SCAMP5: variants seen among roughly 807,000 people sequenced by gnomAD.
The protein encoded by SCAMP5 is secretory carrier-associated membrane protein 5.
In SCAMP5, 7 loss-of-function variants were observed where a neutral mutation model predicts 28.3. The ratio of observed to expected loss-of-function variants is 0.25; its 90% confidence interval spans 0.14 to 0.46. SCAMP5 has a LOEUF of 0.46. Among genes scored for constraint, SCAMP5 ranks in the 20% least tolerant of loss-of-function variants. The probability of loss-of-function intolerance (pLI) is 0.99; values close to 1 mark genes in which losing one functional copy is unlikely to be tolerated. For synonymous variants in SCAMP5, 117 were observed against 116.4 expected, an observed-to-expected ratio of 1.00 and a Z score of -0.03; for missense variants, 192 against 312.5, an observed-to-expected ratio of 0.61 and a Z score of 2.91.
intron 4 of SCAMP5, among the ~76,000 whole-genome samples, chr15:75,017,258 G>A (rs150427566): frequency 6.6e-6 from 1 of 152,282 alleles, no homozygotes; most frequent in African/African-American, 2.4e-5. Flanking sequence ...TGCTGTCTTG[G>A]TGCCAGTGGG....
At position 74,995,616 on chromosome 15, in the gene SCAMP5, G is replaced by C. The variant is rs1210536687; in HGVS notation, c.-106G>C. On this transcript the variant is annotated 5_prime_UTR_variant, in exon 1 of 7. Transcript: ENST00000425597. ...GGCCGGCTCCGCGCCGCATCGCTCG[G>C]GTGCAGCGCAGCTCAGCGCAGCGCT... 24 of 146,850 alleles carry C rather than the reference G, an allele frequency of 1.6e-4. No individual in the cohort carries two copies. The highest frequency in any genetic ancestry group is 1.3e-3 in the Admixed American group (19 of 14,824). The allele number at this position is 146,850 out of a possible 1,614,324, so 9.1% of individuals were successfully genotyped here.
intron 1 of SCAMP5, among the ~76,000 whole-genome samples, chr15:75,006,831 A>G (rs946170421): frequency 2.6e-5 from 4 of 151,386 alleles, no homozygotes; most frequent in African/African-American, 7.3e-5. Flanking sequence ...AATCCCAGCT[A>G]CTCGGGAGGC....
intron 4 of SCAMP5, chr15:75,017,568 A>G: frequency 1.8e-6 from 1 of 554,572 alleles, no homozygotes; most frequent in South Asian, 2.5e-5. Flanking sequence ...TGACAATGAG[A>G]CTATTTATTC....
At chr15:75,015,107 A>C (rs897452253) in intron 3 of SCAMP5, among the ~76,000 whole-genome samples, 11 of 152,136 alleles carry the variant, frequency 7.2e-5, no homozygotes, top group African/African-American at 2.7e-4. Flanking sequence ...AGGGCTATAA[A>C]TATCTCCTTA....
Position 75,018,875 on chromosome 15 carries a change from G to T in SCAMP5, c.600G>T (p.Val200=). 3 of 1,593,442 alleles carry T rather than the reference G, an allele frequency of 1.9e-6. No homozygotes were observed. Among genetic ancestry groups the T allele is most frequent in the Non-Finnish European group, 2.6e-6 (3 of 1,174,508 alleles). ...WTTGAWKNPH[V]QQAAQNAAMG... Reference sequence around the variant, plus strand: ...CAGGGGCCTGGAAGAATCCACATGTGCAGCAGGCAGCCCAGAACGCAGCCA... The same window carrying T: ...CAGGGGCCTGGAAGAATCCACATGTTCAGCAGGCAGCCCAGAACGCAGCCA... Residue 200 remains valine, a synonymous_variant, in exon 7 of 7, where the codon GTG becomes GTT. Transcript: ENST00000425597. The surrounding 1 kb of genome is among the most constrained non-coding windows in gnomAD (Gnocchi z 5.6).
At chr15:75,006,151 C>T (rs892009706) in intron 1 of SCAMP5, among the ~76,000 whole-genome samples, 2 of 151,170 alleles carry the variant, frequency 1.3e-5, no homozygotes, top group Admixed American at 6.6e-5. Context: ...GCGCCCGCCA[C>T]CACACCCAGT....
chr15:75,017,966 C>T lies in SCAMP5; in HGVS notation c.390C>T (p.Gly130=), dbSNP rs1462820931. The T allele has an allele frequency of 5.0e-6, 8 of 1,608,120 alleles. No homozygotes were observed. The highest frequency in any genetic ancestry group is 6.0e-6 in the Non-Finnish European group (7 of 1,174,796). The change falls in exon 5 of 7, where the codon GGC becomes GGT. Residue 130 remains glycine, a synonymous_variant. Transcript: ENST00000425597. ...AGGCCGTGGGCATCCCAGGCTGGGG[C>T]GTCTGGTAAGAGGCAGGGGTGTGGC... ...IIQAVGIPGW[G]VCGWIATISF...
In SCAMP5 at chr15:75,017,934, A is replaced by G. The variant is rs1249197540; in HGVS notation, c.358A>G (p.Ile120Val). 1 of 1,613,776 alleles carries G rather than the reference A, an allele frequency of 6.2e-7. No individual in the cohort carries two copies. The highest frequency in any genetic ancestry group is 1.3e-5 in the African/African-American group (1 of 74,928). The change falls in exon 5 of 7, where the codon ATC (isoleucine) becomes GTC (valine). Residue 120 changes from isoleucine (I) to valine (V), a missense_variant. Transcript: ENST00000425597. ...FTFMAQLVISIIQAVGIPGWG... is the reference protein window; with the variant it reads ...FTFMAQLVISVIQAVGIPGWG... ...CTTCATGGCTCAGTTGGTCATCAGC[A>G]TCATCCAGGCCGTGGGCATCCCAGG...
chr15:75,017,816 C>A, intron 4 of SCAMP5, 54 bp from the exon 5 acceptor site: 2 of 1,164,174 alleles, frequency 1.7e-6, no homozygotes, highest in Non-Finnish European at 2.6e-6. Context: ...GCCTTGAAGG[C>A]AGGGAAGCCC....
At chr15:74,999,328 C>T (rs1164344292) in intron 1 of SCAMP5, among the ~76,000 whole-genome samples, 1 of 152,182 alleles carries the variant, frequency 6.6e-6, no homozygotes, top group Non-Finnish European at 1.5e-5. Flanking sequence ...GTCACCCGAG[C>T]TGCCAGGAAG....
chr15:75,004,384 C>T lies in SCAMP5; in HGVS notation c.-48-7408C>T, dbSNP rs75383552. 3.0e-3 allele frequency among the ~76,000 whole-genome samples: 451 copies of T among 152,212 alleles called. 2 individuals are homozygous for T. Among genetic ancestry groups the T allele is most frequent in the African/African-American group, 0.01 (424 of 41,548 alleles). ...TTTTTCGCAGAACCGTTTGAAAGGA[C>T]GTTACAGACCAGACACTGCTTCTAA... On this transcript the variant is annotated intron_variant, in intron 1 of 6. Coordinates refer to ENST00000425597, the MANE Select transcript of SCAMP5 (RefSeq NM_138967.4).
At chr15:75,003,012 C>T (rs1389920159) in intron 1 of SCAMP5, among the ~76,000 whole-genome samples, 1 of 152,152 alleles carries the variant, frequency 6.6e-6, no homozygotes, top group East Asian at 1.9e-4. Flanking sequence ...CTCACTGCAA[C>T]CTCTGCCTCC....
chr15:75,001,490 A>G (rs1250752215), intron 1 of SCAMP5, among the ~76,000 whole-genome samples: 1 of 151,258 alleles, frequency 6.6e-6, no homozygotes, highest in East Asian at 2.0e-4. Flanking sequence ...CACAGAGAAA[A>G]TTGGGCTAGG....
intron 3 of SCAMP5, among the ~76,000 whole-genome samples, chr15:75,013,399 A>T (rs555184708): frequency 6.6e-6 from 1 of 152,152 alleles, no homozygotes; most frequent in African/African-American, 2.4e-5. Context: ...TGGGTGGTCT[A>T]TACCTGTAAG....
At chr15:74,997,284 G>A (rs146637446) in intron 1 of SCAMP5, 164 of 152,152 alleles carry the variant, frequency 1.1e-3, no homozygotes, top group Non-Finnish European at 1.9e-3. Context: ...CAGGAGTTTC[G>A]GAAGGTTTCC....
chr15:75,009,380 A>G (rs1357927668), intron 1 of SCAMP5, among the ~76,000 whole-genome samples: 1 of 151,206 alleles, frequency 6.6e-6, no homozygotes, highest in Admixed American at 6.6e-5. Context: ...AAGAGTCCGA[A>G]GATTGTAATT....
intron 1 of SCAMP5, among the ~76,000 whole-genome samples, chr15:75,004,405 T>A (rs142452515): frequency 1.6e-3 from 250 of 152,266 alleles, no homozygotes; most frequent in African/African-American, 5.8e-3. Flanking sequence ...AGACACTGCT[T>A]CTAAAGACCA....
At chr15:75,002,086 A>T (rs1361303892) in intron 1 of SCAMP5, among the ~76,000 whole-genome samples, 6 of 152,056 alleles carry the variant, frequency 3.9e-5, no homozygotes, top group Admixed American at 2.6e-4. Flanking sequence ...AGGCTGGGCA[A>T]TAGAGTGAGA....
At chr15:74,999,399 G>A (rs2065681435) in intron 1 of SCAMP5, among the ~76,000 whole-genome samples, 1 of 152,036 alleles carries the variant, frequency 6.6e-6, no homozygotes, top group Admixed American at 6.6e-5. Context: ...ATTCCCATCA[G>A]TTCCCCTTTC....
Sources: allele counts gnomAD v4.1 joint callset (sites outside exome capture counted in the v4.1 genomes callset), GRCh38; gene constraint gnomAD v4.1.1; non-coding constraint Gnocchi (gnomAD v3.1); transcripts MANE v1.5; gene names NCBI Gene and HGNC (gene_info 2026-07-23, HGNC 2026-07-21).